Variants in LRP2 observed in about 807,000 individuals in gnomAD.
LRP2 encodes low-density lipoprotein receptor-related protein 2.
LRP2 carries 172 observed loss-of-function variants against 531.0 expected under a neutral mutation model. The ratio of observed to expected loss-of-function variants is 0.32; its 90% CI spans 0.29 to 0.37. The LOEUF (loss-of-function observed/expected upper bound fraction) is 0.37. Ranked by LOEUF, LRP2 falls within the 10% of genes least tolerant of loss-of-function variation. The pLI, the probability that LRP2 is intolerant of heterozygous loss-of-function variation, is 1.00. For missense variants in LRP2, 5,167 were observed against 5,868.3 expected (o/e 0.88, Z 3.90); for synonymous variants, 1,992 against 2,027.6 (o/e 0.98, Z 0.47).
At chr2:169,319,976 C>A (rs997949065) in intron 2 of LRP2, among the ~76,000 whole-genome samples, 3 of 152,170 alleles carry the variant, frequency 2.0e-5, no homozygotes, top group African/African-American at 7.2e-5. Flanking sequence ...AAATTTTTCA[C>A]CTGCTTTCCT....
rs1233642450 is a variant in LRP2 at position 169,184,752 on chromosome 2, T to TTTTTTG, written c.9845+745_9845+750dup. 1.5e-4 allele frequency among the ~76,000 whole-genome samples: 19 copies of TTTTTTG among 130,522 alleles called. No individual in the cohort carries two copies. In the East Asian group the frequency reaches 3.9e-3, roughly 27 times the overall value. The allele number at this position is 130,522 out of a possible 152,430, so 85.6% of individuals were successfully genotyped here. On this transcript the variant is annotated intron_variant, in intron 50 of 78. Coordinates refer to ENST00000649046, the MANE Select transcript of LRP2 (RefSeq NM_004525.3). The stretch of plus-strand genomic sequence containing the variant: ...CTGGGAATGACTAGTATTGGTTGTT[T>TTTTTTG]TTTTTGTTTTGTTTGTTTTGTTTTT...
intron 1 of LRP2, among the ~76,000 whole-genome samples, chr2:169,360,234 C>T (rs1435271356): frequency 6.6e-6 from 1 of 150,874 alleles, no homozygotes; most frequent in Non-Finnish European, 1.5e-5. Context: ...TTGCCATTTT[C>T]TAGCAGTATG....
chr2:169,182,461 G>A, intron 50 of LRP2, 142 bp from the exon 51 acceptor site: 1 of 1,547,224 alleles, frequency 6.5e-7, no homozygotes, highest in Non-Finnish European at 8.7e-7. Context: ...TGAGGGCAGG[G>A]GAAAACAGGA....
In LRP2 at chr2:169,202,816, A is replaced by G. The variant is rs770584118; in HGVS notation, c.8149T>C (p.Trp2717Arg). ...CSNGRCISEE[W>R]KCDNDNDCGD... ...CAGTCGTTGTCATTATCACACTTCC[A>G]CTCTTCCGAGATGCAGCGCCCATTG... Residue 2717 changes from tryptophan to arginine, a missense_variant, in exon 43 of 79, where the codon TGG (tryptophan) becomes CGG (arginine). By Grantham distance (101) the Trp-to-Arg change is moderately radical (BLOSUM62 -3). Transcript: ENST00000649046. The G allele has an allele frequency of 3.2e-5, 52 of 1,613,172 alleles. No individual in the cohort carries two copies. The South Asian group carries it at 4.9e-4, about 15-fold the overall frequency.
chr2:169,273,702 A>G (rs1040745318), intron 14 of LRP2, among the ~76,000 whole-genome samples: 1 of 152,172 alleles, frequency 6.6e-6, no homozygotes, highest in Non-Finnish European at 1.5e-5. Flanking sequence ...CACAGCTAGA[A>G]ATTTTATATC....
At chr2:169,312,061 C>A (rs1684613758) in intron 3 of LRP2, among the ~76,000 whole-genome samples, 1 of 152,188 alleles carries the variant, frequency 6.6e-6, no homozygotes, top group Non-Finnish European at 1.5e-5. Context: ...CTTGGTAGAT[C>A]TTCCTCCATC....
At chr2:169,305,538 G>A (rs1684392798) in intron 4 of LRP2, among the ~76,000 whole-genome samples, 1 of 152,106 alleles carries the variant, frequency 6.6e-6, no homozygotes, top group South Asian at 2.1e-4. Flanking sequence ...AACAATAGAG[G>A]AGATATCCCG....
chr2:169,170,528 T>C (rs1159174097), intron 59 of LRP2, 23 bp downstream of exon 59: 2 of 1,582,126 alleles, frequency 1.3e-6, no homozygotes, highest in African/African-American at 1.3e-5. Context: ...AATTCTATGG[T>C]AAGCTTCTCA....
intron 46 of LRP2, among the ~76,000 whole-genome samples, chr2:169,194,280 T>C (rs1242378523): frequency 1.3e-5 from 2 of 152,134 alleles, no homozygotes; most frequent in African/African-American, 2.4e-5. Flanking sequence ...GCACTCCCCA[T>C]GCCCGCTTCC....
intron 64 of LRP2, among the ~76,000 whole-genome samples, chr2:169,157,048 A>G (rs1686356590): frequency 6.6e-6 from 1 of 152,180 alleles, no homozygotes; most frequent in Admixed American, 6.5e-5. Flanking sequence ...AAGTAAGCCT[A>G]GTTTGTTTTT....
intron 69 of LRP2, 93 bp from the exon 70 acceptor site, chr2:169,146,016 T>C: frequency 8.8e-7 from 1 of 1,141,518 alleles, no homozygotes; most frequent in South Asian, 1.3e-5. Flanking sequence ...GATGTCATTC[T>C]GCTTGAATTA....
intron 30 of LRP2, among the ~76,000 whole-genome samples, chr2:169,232,924 C>G (rs1366149245): frequency 2.0e-5 from 3 of 152,180 alleles, no homozygotes; most frequent in Non-Finnish European, 4.4e-5. Flanking sequence ...CTCCCTCTCC[C>G]ACCAGAAAGA....
chr2:169,280,669 G>T, intron 10 of LRP2, 150 bp from the exon 11 acceptor site: 1 of 830,068 alleles, frequency 1.2e-6, no homozygotes, highest in Non-Finnish European at 1.9e-6. Context: ...CAGACAGATA[G>T]CTAGCATTCT....
intron 3 of LRP2, among the ~76,000 whole-genome samples, chr2:169,308,842 G>A (rs1390266306): frequency 1.3e-5 from 2 of 152,178 alleles, no homozygotes; most frequent in Admixed American, 6.6e-5. Context: ...CCCACCAACA[G>A]TGTAAAAGTG....
chr2:169,307,399 T>C lies in LRP2; in HGVS notation c.311-2A>G. 2 of 1,550,022 alleles carry C rather than the reference T, an allele frequency of 1.3e-6. No individual in the cohort carries two copies. The highest frequency in any genetic ancestry group is 1.8e-6 in the Non-Finnish European group (2 of 1,121,642). On this transcript the variant is annotated splice_acceptor_variant, in intron 3 of 78. Transcript: ENST00000649046. LOFTEE classifies it high-confidence loss of function. ...GATGACTTGAGCATGTACTTTGTGC[T>C]GCGAAGAGAAAAAATTATTACTTAA...
intron 46 of LRP2, among the ~76,000 whole-genome samples, chr2:169,195,330 T>C (rs1477527307): frequency 6.6e-6 from 1 of 152,126 alleles, no homozygotes; most frequent in African/African-American, 2.4e-5. Flanking sequence ...TTTTTTAAAA[T>C]CTATATATCA....
intron 14 of LRP2, among the ~76,000 whole-genome samples, chr2:169,273,334 A>G (rs998527092): frequency 6.6e-6 from 1 of 152,092 alleles, no homozygotes; most frequent in African/African-American, 2.4e-5. Flanking sequence ...CCCAATAATT[A>G]TGTCAGAGTA....
At chr2:169,257,642 T>G (rs1235712782) in intron 17 of LRP2, among the ~76,000 whole-genome samples, 1 of 151,958 alleles carries the variant, frequency 6.6e-6, no homozygotes, top group East Asian at 1.9e-4. Context: ...TCTCTCTAGA[T>G]TAAACATTCA....
chr2:169,276,899 A>G (rs1191978876), intron 13 of LRP2, among the ~76,000 whole-genome samples: 3 of 152,174 alleles, frequency 2.0e-5, no homozygotes, highest in Non-Finnish European at 4.4e-5. Context: ...GATGAAAAAA[A>G]ATATGCCATA....
Sources: gnomAD v4.1 joint callset for allele counts (sites outside exome capture counted in the v4.1 genomes callset) on GRCh38, gnomAD v4.1.1 for gene constraint, MANE v1.5 for transcripts, NCBI Gene and HGNC (gene_info 2026-07-23, HGNC 2026-07-21) for gene names.